Variants in C10orf90 observed in about 807,000 individuals in gnomAD.
C10orf90 encodes the protein chromosome 10 open reading frame 90.
C10orf90 carries 56 observed loss-of-function variants against 62.5 expected under a neutral mutation model. That is an observed-to-expected ratio of 0.90 (90% CI 0.72 to 1.12). The LOEUF (loss-of-function observed/expected upper bound fraction) is 1.12, where lower values mean the gene tolerates loss of function less well. C10orf90 is among the 50% of genes most tolerant of loss of function. The probability of loss-of-function intolerance (pLI) is 0.00; values close to 1 mark genes in which losing one functional copy is unlikely to be tolerated. For synonymous variants in C10orf90, 386 were observed against 340.4 expected, an observed-to-expected ratio of 1.13 and a Z score of -1.47; for missense variants, 970 against 880.4, an observed-to-expected ratio of 1.10 and a Z score of -1.29.
At chr10:126,477,514 C>T (rs374425541) in intron 4 of C10orf90, among the ~76,000 whole-genome samples, 8 of 151,942 alleles carry the variant, frequency 5.3e-5, no homozygotes, top group African/African-American at 1.9e-4. Context: ...AGTACAGATC[C>T]CCTTAAAAAG....
intron 2 of C10orf90, among the ~76,000 whole-genome samples, chr10:126,546,441 C>T (rs1864493905): frequency 6.6e-6 from 1 of 152,180 alleles, no homozygotes; most frequent in Non-Finnish European, 1.5e-5. Context: ...GGTATCTCTT[C>T]CCCTCCCCAC....
intron 2 of C10orf90, among the ~76,000 whole-genome samples, chr10:126,632,985 T>C (rs1473076512): frequency 1.3e-5 from 2 of 152,200 alleles, no homozygotes; most frequent in African/African-American, 2.4e-5. Flanking sequence ...AGTTGGAAGA[T>C]GCTTTGTTTA....
intron 1 of C10orf90, among the ~76,000 whole-genome samples, chr10:126,655,638 T>C (rs981475068): frequency 7.2e-5 from 11 of 152,138 alleles, no homozygotes; most frequent in Non-Finnish European, 4.4e-5. Context: ...TCCCCAGGAA[T>C]TGTTTACCAC....
intron 2 of C10orf90, among the ~76,000 whole-genome samples, chr10:126,628,806 A>G (rs1412868673): frequency 3.3e-5 from 5 of 152,050 alleles, no homozygotes; most frequent in African/African-American, 9.7e-5. Flanking sequence ...TTGCCTGCCC[A>G]CCACTCACTC....
intron 3 of C10orf90, chr10:126,512,253 G>A (rs930989294): frequency 9.0e-6 from 1 of 110,528 alleles, no homozygotes; most frequent in Non-Finnish European, 1.9e-5. Context: ...GCATGAGAGC[G>A]AAAGGGGCGA....
chr10:126,487,382 G>A (rs1861498828), intron 4 of C10orf90, among the ~76,000 whole-genome samples: 1 of 152,098 alleles, frequency 6.6e-6, no homozygotes, highest in East Asian at 1.9e-4. Context: ...ATAACACTAA[G>A]CACAAAGGGA....
chr10:126,465,014 A>G (rs1237365848), intron 4 of C10orf90, 28 bp from the exon 5 acceptor site: 5 of 1,588,110 alleles, frequency 3.1e-6, no homozygotes, highest in African/African-American at 1.3e-5. Flanking sequence ...GTTGTGCTCA[A>G]AATCTCTTAT....
At chr10:126,635,926 A>C (rs1246878505) in intron 2 of C10orf90, among the ~76,000 whole-genome samples, 4 of 152,072 alleles carry the variant, frequency 2.6e-5, no homozygotes, top group Non-Finnish European at 5.9e-5. Context: ...ACACTTCACA[A>C]CTGAATCTCT....
intron 2 of C10orf90, among the ~76,000 whole-genome samples, chr10:126,629,156 C>T (rs1043342413): frequency 6.6e-6 from 1 of 152,174 alleles, no homozygotes; most frequent in Non-Finnish European, 1.5e-5. Context: ...TCTAACTGCT[C>T]ACGAACGATG....
At chr10:126,446,382 A>T (rs4433498) in intron 7 of C10orf90, among the ~76,000 whole-genome samples, 35,889 of 151,878 alleles carry the variant, frequency 0.24, 4,625 homozygotes, top group East Asian at 0.56. Context: ...TAAAAGCAGC[A>T]AAAGAAATTA....
chr10:126,509,610 T>C (rs2133904737), intron 3 of C10orf90, among the ~76,000 whole-genome samples: 1 of 152,338 alleles, frequency 6.6e-6, no homozygotes, highest in Non-Finnish European at 1.5e-5. Context: ...TAACTGTGCA[T>C]TCCACATATT....
intron 4 of C10orf90, among the ~76,000 whole-genome samples, chr10:126,487,142 C>CAAAAAAAAAAAAAAAAAAAAAAAAAAAAA (rs1158481155): frequency 1.0e-4 from 3 of 29,460 alleles, no homozygotes; most frequent in African/African-American, 2.8e-4. Context: ...AAAACTCTGT[C>CAAAAAAAAAAAAAAAAAAAAAAAAAAAAA]AAAAAAAAAA....
At chr10:126,645,728 A>T (rs558671915) in intron 2 of C10orf90, among the ~76,000 whole-genome samples, 7 of 152,260 alleles carry the variant, frequency 4.6e-5, no homozygotes, top group African/African-American at 1.7e-4. Flanking sequence ...CAGGTCCCTG[A>T]TATCTTTGCT....
At chr10:126,632,509 T>C (rs1313193866) in intron 2 of C10orf90, among the ~76,000 whole-genome samples, 1 of 151,906 alleles carries the variant, frequency 6.6e-6, no homozygotes, top group Non-Finnish European at 1.5e-5. Flanking sequence ...ATATTCATTT[T>C]ATACCATTCT....
chr10:126,508,113 G>A (rs115157899), intron 3 of C10orf90, among the ~76,000 whole-genome samples: 2,374 of 151,710 alleles, frequency 0.016, 52 homozygotes, highest in African/African-American at 0.054. Context: ...CAAAGTTTGC[G>A]CCAGGGACTG....
chr10:126,493,402 C>G (rs1340402703), intron 4 of C10orf90, among the ~76,000 whole-genome samples: 1 of 151,180 alleles, frequency 6.6e-6, no homozygotes, highest in Non-Finnish European at 1.5e-5. Flanking sequence ...GCTCTGTCGC[C>G]TAGGCTAGAG....
intron 2 of C10orf90, among the ~76,000 whole-genome samples, chr10:126,614,582 G>A (rs1432672607): frequency 6.6e-6 from 1 of 152,136 alleles, no homozygotes; most frequent in South Asian, 2.1e-4. Flanking sequence ...TCTAGTTGAG[G>A]AGACCAGTTC....
intron 1 of C10orf90, among the ~76,000 whole-genome samples, chr10:126,656,693 AAGTGCGTTG>A (rs1846401665): frequency 6.6e-6 from 1 of 152,224 alleles, no homozygotes; most frequent in African/African-American, 2.4e-5. Flanking sequence ...CTGGGCTTGG[AAGTGCGTTG>A]AGTGCAAAGG....
At chr10:126,579,433 G>T (rs368858211) in intron 2 of C10orf90, among the ~76,000 whole-genome samples, 9 of 151,944 alleles carry the variant, frequency 5.9e-5, no homozygotes, top group African/African-American at 2.2e-4. Flanking sequence ...TAGAGATGGG[G>T]TTTCATCACA....
Sources: allele counts gnomAD v4.1 joint callset (sites outside exome capture counted in the v4.1 genomes callset), GRCh38; gene constraint gnomAD v4.1.1; transcripts MANE v1.5; gene names NCBI Gene and HGNC (gene_info 2026-07-23, HGNC 2026-07-21).